ITK: variants seen among roughly 807,000 people sequenced by gnomAD.
ITK encodes the protein tyrosine-protein kinase ITK/TSK.
A neutral mutation model predicts 87.6 loss-of-function variants in ITK; 45 were observed. That is an observed-to-expected ratio of 0.51 (90% CI 0.40 to 0.66). The LOEUF is 0.66. Among genes scored for constraint, ITK ranks in the 30% least tolerant of loss-of-function variants. The probability of loss-of-function intolerance (pLI) is 0.00; values close to 1 mark genes in which losing one functional copy is unlikely to be tolerated. For synonymous variants in ITK, 303 were observed against 273.6 expected, an observed-to-expected ratio of 1.11 and a Z score of -1.06; for missense variants, 605 against 766.3, an observed-to-expected ratio of 0.79 and a Z score of 2.48.
At chr5:157,196,410 G>A (rs1367774639) in intron 1 of ITK, among the ~76,000 whole-genome samples, 1 of 152,090 alleles carries the variant, frequency 6.6e-6, no homozygotes, top group Non-Finnish European at 1.5e-5. Flanking sequence ...TTGCATTTCT[G>A]TTGTTATAGT....
chr5:157,187,379 TA>T (rs1753665921), intron 1 of ITK, among the ~76,000 whole-genome samples: 1 of 151,992 alleles, frequency 6.6e-6, no homozygotes, highest in South Asian at 2.1e-4. Flanking sequence ...GTGGAGGGAA[TA>T]AAAGGAGAAA....
At chr5:157,235,175 G>C (rs1019374093) in intron 8 of ITK, among the ~76,000 whole-genome samples, 4 of 152,130 alleles carry the variant, frequency 2.6e-5, no homozygotes, top group African/African-American at 9.7e-5. Flanking sequence ...ACTTAAGGGG[G>C]ACCTGGGTGA....
chr5:157,229,302 C>T (rs1554102136), intron 7 of ITK, among the ~76,000 whole-genome samples: 2 of 152,154 alleles, frequency 1.3e-5, no homozygotes, highest in Non-Finnish European at 2.9e-5. Context: ...TATCTCCTCA[C>T]AAATCACTTG....
At chr5:157,222,439 T>A (rs1421371224) in intron 5 of ITK, among the ~76,000 whole-genome samples, 1 of 152,170 alleles carries the variant, frequency 6.6e-6, no homozygotes, top group Non-Finnish European at 1.5e-5. Flanking sequence ...TATTAAGTGA[T>A]CTGTTAGAGG....
At chr5:157,190,359 C>T (rs891138096) in intron 1 of ITK, among the ~76,000 whole-genome samples, 7 of 152,060 alleles carry the variant, frequency 4.6e-5, no homozygotes, top group African/African-American at 4.8e-5. Context: ...ATCAAGGAAA[C>T]GTTTCTGTGT....
chr5:157,209,060 G>C, intron 2 of ITK, 67 bp downstream of exon 2: 1 of 1,083,354 alleles, frequency 9.2e-7, no homozygotes, highest in Non-Finnish European at 1.4e-6. Context: ...TCACAGCCGG[G>C]TGCAGTGGTT....
intron 10 of ITK, 128 bp from the exon 11 acceptor site, chr5:157,241,518 G>A: frequency 1.4e-6 from 1 of 718,738 alleles, no homozygotes; most frequent in South Asian, 1.5e-5. Flanking sequence ...TAGGCTTTGG[G>A]ATTTGTTTTC....
intron 1 of ITK, among the ~76,000 whole-genome samples, chr5:157,202,885 G>T (rs908898132): frequency 2.6e-5 from 4 of 152,146 alleles, no homozygotes; most frequent in Admixed American, 1.3e-4. Context: ...ACTTCACATA[G>T]AATTTTTATC....
At chr5:157,217,042 G>A (rs1754311704) in intron 4 of ITK, among the ~76,000 whole-genome samples, 1 of 152,110 alleles carries the variant, frequency 6.6e-6, no homozygotes, top group Non-Finnish European at 1.5e-5. Context: ...CTTTGTATTA[G>A]CCTGAAGTCT....
At chr5:157,186,733 A>C (rs146342846) in intron 1 of ITK, among the ~76,000 whole-genome samples, 41 of 151,542 alleles carry the variant, frequency 2.7e-4, no homozygotes, top group Admixed American at 2.6e-4. Context: ...TTGCCTCCTA[A>C]AGTTCTCCTA....
At chr5:157,205,757 T>C (rs1754066695) in intron 1 of ITK, among the ~76,000 whole-genome samples, 1 of 152,196 alleles carries the variant, frequency 6.6e-6, no homozygotes, top group Admixed American at 6.5e-5. Context: ...AGATGGCTCT[T>C]ATTATTTTGA....
chr5:157,234,894 T>C (rs566592108), intron 8 of ITK, among the ~76,000 whole-genome samples: 8 of 152,206 alleles, frequency 5.3e-5, no homozygotes, highest in Admixed American at 2.6e-4. Context: ...GTAACAAACC[T>C]TCATGTTCTG....
intron 7 of ITK, among the ~76,000 whole-genome samples, chr5:157,229,132 T>A (rs71591329): frequency 0.016 from 2,488 of 151,204 alleles, 28 homozygotes; most frequent in Non-Finnish European, 0.027. Flanking sequence ...AAGGAAAGGG[T>A]TTTTTCTTAT....
Position 157,222,968 on chromosome 5 carries a change from C to T in ITK, c.601C>T (p.Leu201=), listed in dbSNP as rs745855873. 3 of 1,613,984 alleles carry T rather than the reference C, an allele frequency of 1.9e-6. No homozygotes were observed. The African/African-American group carries it at 4.0e-5, about 22-fold the overall frequency. The change falls in exon 6 of 17, where the codon CTG becomes TTG. Residue 201 remains leucine (L), a synonymous_variant. Transcript: ENST00000422843. The part of the protein sequence containing the change: ...ALRRNEEYCL[L]DSSEIHWWRV... The stretch of plus-strand genomic sequence containing the variant: ...GCGGCGCAACGAAGAGTACTGCCTG[C>T]TGGACAGTTCTGAGATTCACTGGTG...
At chr5:157,243,044 A>G (rs1366258724) in intron 11 of ITK, among the ~76,000 whole-genome samples, 6 of 152,176 alleles carry the variant, frequency 3.9e-5, no homozygotes, top group Admixed American at 3.9e-4. Context: ...TCCGTGCTGG[A>G]TGGGATTTCA....
chr5:157,245,612 T>C (rs1283440615), intron 13 of ITK, 114 bp from the exon 14 acceptor site: 1 of 834,282 alleles, frequency 1.2e-6, no homozygotes, highest in Non-Finnish European at 2.1e-6. Flanking sequence ...CATGATGCCC[T>C]TGTATGACAG....
intron 4 of ITK, among the ~76,000 whole-genome samples, chr5:157,214,850 T>C (rs369788748): frequency 1.3e-5 from 2 of 152,198 alleles, no homozygotes; most frequent in East Asian, 1.9e-4. Context: ...TACATTTTAC[T>C]CTGTGATTTC....
intron 5 of ITK, among the ~76,000 whole-genome samples, chr5:157,222,179 T>G (rs564260754): frequency 9.2e-5 from 14 of 152,216 alleles, no homozygotes; most frequent in Non-Finnish European, 1.5e-4. Flanking sequence ...TCACAAAGTC[T>G]GCTAACCCAT....
At chr5:157,223,156 G>A in intron 6 of ITK, 142 bp downstream of exon 6, 2 of 1,068,670 alleles carry the variant, frequency 1.9e-6, no homozygotes, top group Non-Finnish European at 1.4e-6. Context: ...GGAAGAGGGA[G>A]GAAGAGGAAG....
Sources: gnomAD v4.1 joint callset for allele counts (sites outside exome capture counted in the v4.1 genomes callset) on GRCh38, gnomAD v4.1.1 for gene constraint, MANE v1.5 for transcripts, NCBI Gene and HGNC (gene_info 2026-07-23, HGNC 2026-07-21) for gene names.